PIGN: variants seen among roughly 807,000 people sequenced by gnomAD.
The protein encoded by PIGN is GPI ethanolamine phosphate transferase 1.
A neutral mutation model predicts 125.4 loss-of-function variants in PIGN; 117 were observed. That is an observed-to-expected ratio of 0.93 (90% CI 0.80 to 1.09). PIGN has a LOEUF of 1.09. Ranked by LOEUF, PIGN falls within the 50% of genes least tolerant of loss-of-function variation. PIGN has a pLI of 0.00. For missense variants in PIGN, 1,075 were observed against 1,094.9 expected (o/e 0.98, Z 0.26); for synonymous variants, 392 against 377.8 (o/e 1.04, Z -0.44).
chr18:62,023,607 C>T (rs575980678), intron 23 of PIGN, among the ~76,000 whole-genome samples: 10 of 152,360 alleles, frequency 6.6e-5, no homozygotes, highest in African/African-American at 1.9e-4. Flanking sequence ...TCTTCTGTAA[C>T]TCAATTTACA....
chr18:62,051,735 T>G (rs1428431058), intron 30 of PIGN: 2 of 150,268 alleles, frequency 1.3e-5, no homozygotes, highest in Admixed American at 6.6e-5. Flanking sequence ...ATTTCTTGCC[T>G]TCTGCTAGCT....
chr18:62,053,115 T>C (rs894105459), intron 30 of PIGN, among the ~76,000 whole-genome samples: 3 of 152,214 alleles, frequency 2.0e-5, no homozygotes, highest in African/African-American at 4.8e-5. Flanking sequence ...TAATACTGTA[T>C]GACATGGTTT....
intron 14 of PIGN, 198 bp downstream of exon 14, chr18:62,138,045 T>C (rs1599608074): frequency 1.5e-6 from 1 of 670,352 alleles, no homozygotes; most frequent in Non-Finnish European, 2.4e-6. Context: ...TCATCCCTCT[T>C]CCAGCCATTC....
chr18:62,093,074 C>G (rs905022205), intron 23 of PIGN, among the ~76,000 whole-genome samples: 2 of 152,002 alleles, frequency 1.3e-5, no homozygotes, highest in Admixed American at 6.5e-5. Flanking sequence ...GCATAGTGCT[C>G]TGGACACTGG....
intron 1 of PIGN, among the ~76,000 whole-genome samples, chr18:62,180,450 T>G (rs924951996): frequency 6.6e-6 from 1 of 152,166 alleles, no homozygotes; most frequent in African/African-American, 2.4e-5. Context: ...CCATACTAAT[T>G]TACATACTCT....
At chr18:62,018,856 G>A (rs1005279120) in intron 23 of PIGN, among the ~76,000 whole-genome samples, 8 of 151,904 alleles carry the variant, frequency 5.3e-5, no homozygotes, top group Non-Finnish European at 1.2e-4. Flanking sequence ...GAAAACACAC[G>A]CACACACATA....
Position 62,131,692 on chromosome 18 carries a change from A to G in PIGN, c.1172+6551T>C, listed in dbSNP as rs1314644389. On this transcript the variant is annotated intron_variant, in intron 14 of 30. Coordinates refer to ENST00000640252, the MANE Select transcript of PIGN (RefSeq NM_176787.5). ...CAAAAAAATAGGATATGCAATTACCACATGGCCCTGTTAGACCCTTTTACA... is the reference window on the plus strand; with the variant it reads ...CAAAAAAATAGGATATGCAATTACCGCATGGCCCTGTTAGACCCTTTTACA... Among the ~76,000 whole-genome samples, 6 of 152,204 alleles carry G rather than the reference A, an allele frequency of 3.9e-5. No homozygotes were observed. In the East Asian group the frequency reaches 1.2e-3, roughly 29 times the overall value.
At chr18:62,178,858 G>A (rs932486121) in intron 1 of PIGN, among the ~76,000 whole-genome samples, 1 of 152,078 alleles carries the variant, frequency 6.6e-6, no homozygotes, top group African/African-American at 2.4e-5. Flanking sequence ...TTCTTTAGAT[G>A]ATTCCTGCCC....
At chr18:62,049,972 CTTGT>C (rs2031129726) in intron 30 of PIGN, among the ~76,000 whole-genome samples, 1 of 150,424 alleles carries the variant, frequency 6.6e-6, no homozygotes, top group Non-Finnish European at 1.5e-5. Context: ...TTCCCCATTG[CTTGT>C]TTTTCTCAGG....
rs61757716 is a variant in PIGN, at chr18:62,140,422, C to G, written c.1021G>C (p.Val341Leu). Residue 341 changes from valine (V) to leucine (L), a missense_variant and splice_region_variant, in exon 12 of 31, where the codon GTG becomes CTG. By Grantham distance (32) the Val-to-Leu change is conservative. Around this residue, in one of 3 missense-constraint regions of PIGN, gnomAD observed 915 missense variants for 908.7 expected, o/e 1.01. Transcript: ENST00000640252. Reference protein sequence around the residue: ...LIGVPFPLNSVGILPVDYLNN... With the variant: ...LIGVPFPLNSLGILPVDYLNN... Reference sequence around the variant, plus strand: ...GATAATAAAATTTTATTCCTTACCACTGAGTTAAGAGGAAAGGGAACTCCA... The same window carrying G: ...GATAATAAAATTTTATTCCTTACCAGTGAGTTAAGAGGAAAGGGAACTCCA... 6.9e-7 allele frequency: 1 copy of G among 1,447,604 alleles called. No homozygotes were observed. The allele number at this position is 1,447,604 out of a possible 1,614,324, so 89.7% of individuals were successfully genotyped here.
chr18:62,147,982 T>C (rs1206123527), intron 8 of PIGN, among the ~76,000 whole-genome samples: 1 of 152,116 alleles, frequency 6.6e-6, no homozygotes, highest in Non-Finnish European at 1.5e-5. Flanking sequence ...ATGAAGATTA[T>C]GTAATATGTA....
chr18:62,043,198 C>T lies in PIGN; in HGVS notation c.*2658G>A, dbSNP rs1206229235. On this transcript the variant is annotated 3_prime_UTR_variant, in exon 31 of 31. Transcript: ENST00000640252. Reference sequence around the variant, plus strand: ...TGATTAGCTCCATTCTCTTCAGCCCCCTGACATGATGGCATCTAGTGTGAA... The same window carrying T: ...TGATTAGCTCCATTCTCTTCAGCCCTCTGACATGATGGCATCTAGTGTGAA... 2.0e-5 allele frequency: 3 copies of T among 152,096 alleles called. No homozygotes were observed. Among genetic ancestry groups the T allele is most frequent in the African/African-American group, 7.2e-5 (3 of 41,392 alleles). 9.4% of individuals were successfully genotyped at this position (152,096 alleles called of 1,614,324 possible).
At chr18:62,035,554 T>A (rs2030248011) in intron 23 of PIGN, among the ~76,000 whole-genome samples, 2 of 152,164 alleles carry the variant, frequency 1.3e-5, no homozygotes, top group Non-Finnish European at 2.9e-5. Context: ...TACTTTAAGT[T>A]CTAGGGTACA....
chr18:62,128,222 C>A (rs2035608175), intron 14 of PIGN, among the ~76,000 whole-genome samples: 1 of 152,058 alleles, frequency 6.6e-6, no homozygotes, highest in Non-Finnish European at 1.5e-5. Flanking sequence ...GAATTTCAAA[C>A]TTGGGGAAAA....
chr18:62,102,731 T>A, intron 21 of PIGN, 63 bp downstream of exon 21: 1 of 718,524 alleles, frequency 1.4e-6, no homozygotes, highest in Non-Finnish European at 2.2e-6. Flanking sequence ...TAATTAAATA[T>A]AACCATAAGA....
At chr18:62,048,846 T>C (rs1336633765) in intron 30 of PIGN, among the ~76,000 whole-genome samples, 5 of 121,704 alleles carry the variant, frequency 4.1e-5, no homozygotes, top group Admixed American at 1.7e-4. Context: ...ATGCTATCCC[T>C]CCCCCCTCCC....
rs1004132412 is a variant in PIGN, at chr18:62,043,414, A to C, written c.*2442T>G. On this transcript the variant is annotated 3_prime_UTR_variant, in exon 31 of 31. Transcript: ENST00000640252. ...CCCCTAGTCCACCAAAACAAGTGTA[A>C]AAAGGTCGCAGGAGGGGAGGAGGAT... 2.0e-5 allele frequency: 3 copies of C among 152,148 alleles called. No individual in the cohort carries two copies. Among genetic ancestry groups the C allele is most frequent in the African/African-American group, 7.2e-5 (3 of 41,396 alleles). 9.4% of individuals were successfully genotyped at this position (152,148 alleles called of 1,614,324 possible). A position where few individuals can be genotyped will look rare whatever the true frequency, so the allele number is the denominator to read the frequency against.
rs555427055 is a variant in PIGN at position 62,098,046 on chromosome 18, A to T, written c.2078-2096T>A. 2.0e-5 allele frequency among the ~76,000 whole-genome samples: 3 copies of T among 152,372 alleles called. No individual in the cohort carries two copies. The South Asian group carries it at 6.2e-4, about 32-fold the overall frequency. On this transcript the variant is annotated intron_variant, in intron 22 of 30. Coordinates refer to ENST00000640252, the MANE Select transcript of PIGN (RefSeq NM_176787.5). ...GGCAAGTTCATTAACTGATCCAAGC[A>T]GAAATTTACCCACCTGTCAAATAGA...
intron 11 of PIGN, 78 bp downstream of exon 11, chr18:62,143,226 ATC>A: frequency 2.7e-6 from 2 of 733,376 alleles, no homozygotes; most frequent in South Asian, 1.7e-5. Context: ...TATTAATATT[ATC>A]TCTTTTTCAT....
Sources: allele counts gnomAD v4.1 joint callset (sites outside exome capture counted in the v4.1 genomes callset), GRCh38; gene constraint gnomAD v4.1.1; regional missense constraint gnomAD v4.1.1; transcripts MANE v1.5; gene names NCBI Gene and HGNC (gene_info 2026-07-23, HGNC 2026-07-21).